ZIC4: variants seen among roughly 807,000 people sequenced by gnomAD.
The protein encoded by ZIC4 is Zic family zinc finger 4, also known as zinc finger protein ZIC 4.
A neutral mutation model predicts 28.8 loss-of-function variants in ZIC4; 15 were observed. That is an observed-to-expected ratio of 0.52 (90% confidence interval 0.35 to 0.80). The LOEUF (loss-of-function observed/expected upper bound fraction) is 0.80, where lower values mean the gene tolerates loss of function less well. Ranked by LOEUF, ZIC4 falls within the 30% of genes least tolerant of loss-of-function variation. The probability of loss-of-function intolerance (pLI) is 0.01; values close to 1 mark genes in which losing one functional copy is unlikely to be tolerated. For missense variants in ZIC4, 512 were observed against 467.1 expected (o/e 1.10, Z -0.89); for synonymous variants, 220 against 198.1 (o/e 1.11, Z -0.93).
rs761195748 is a variant in ZIC4 at position 147,388,868 on chromosome 3, A to C, written c.*-9T>G. The stretch of plus-strand genomic sequence containing the variant: ...AGCAACGCGGTGGACATCTGTAACA[A>C]GCAAATGAAAAATTAAAGGCGATTA... On this transcript the variant is annotated splice_polypyrimidine_tract_variant and intron_variant, in intron 4 of 4. Transcript: ENST00000383075. The C allele has an allele frequency of 5.1e-6, 4 of 780,226 alleles. No homozygotes were observed. The East Asian group carries it at 7.3e-5, about 14-fold the overall frequency. 48.3% of individuals were successfully genotyped at this position (780,226 alleles called of 1,614,324 possible). A position where few individuals can be genotyped will look rare whatever the true frequency, so the allele number is the denominator to read the frequency against.
intron 3 of ZIC4, among the ~76,000 whole-genome samples, chr3:147,395,402 G>T (rs1022910351): frequency 6.6e-6 from 1 of 152,132 alleles, no homozygotes; most frequent in African/African-American, 2.4e-5. Flanking sequence ...CCTAAAGAAG[G>T]CTCCAGGGCC....
intron 2 of ZIC4, among the ~76,000 whole-genome samples, chr3:147,399,663 ATT>A (rs34229132): frequency 2.3e-4 from 30 of 127,980 alleles, no homozygotes; most frequent in South Asian, 5.2e-4. Flanking sequence ...AAAAACACGG[ATT>A]TTTTTTTTTT....
At chr3:147,394,578 G>C (rs1319545282) in intron 3 of ZIC4, among the ~76,000 whole-genome samples, 1 of 151,996 alleles carries the variant, frequency 6.6e-6, no homozygotes, top group Non-Finnish European at 1.5e-5. Flanking sequence ...TAGCAGGCCT[G>C]GGGCCAGGAT....
intron 3 of ZIC4, chr3:147,391,483 G>A (rs2086917781): frequency 2.3e-6 from 1 of 443,180 alleles, no homozygotes; most frequent in East Asian, 3.6e-5. Context: ...CATGGGGAGG[G>A]TATGGAGGAG....
intron 2 of ZIC4, among the ~76,000 whole-genome samples, chr3:147,397,637 G>T (rs1234004730): frequency 6.6e-6 from 1 of 152,112 alleles, no homozygotes; most frequent in Non-Finnish European, 1.5e-5. Flanking sequence ...CTGATGGGCA[G>T]CATCGTGTGC....
At chr3:147,405,566 C>A in intron 1 of ZIC4, 7 of 1,314,886 alleles carry the variant, frequency 5.3e-6, no homozygotes, top group Non-Finnish European at 7.4e-6. Flanking sequence ...ATTTCCAATG[C>A]CCCTGGGTCT....
intron 4 of ZIC4, among the ~76,000 whole-genome samples, 169 bp downstream of exon 4, chr3:147,390,762 T>C (rs961270352): frequency 1.3e-5 from 2 of 152,234 alleles, no homozygotes; most frequent in African/African-American, 4.8e-5. Flanking sequence ...GCCCTCTTCA[T>C]GCCTCAGAAA....
Position 147,396,188 on chromosome 3 carries a change from G to T in ZIC4, c.352C>A (p.Arg118Ser), listed in dbSNP as rs2087038268. Residue 118 changes from arginine to serine, a missense_variant, in exon 3 of 5, where the codon CGC becomes AGC. By Grantham distance (110) the Arg-to-Ser change is moderately radical (BLOSUM62 -1). Around this residue, in one of 3 missense-constraint regions of ZIC4, gnomAD observed 310 missense variants for 256.5 expected, o/e 1.21. Coordinates refer to ENST00000383075, the MANE Select transcript of ZIC4 (RefSeq NM_032153.6). The surrounding 1 kb of genome is among the most constrained non-coding windows in gnomAD (Gnocchi z 4.2). ...AAPHGPGAFF[R>S]YMRQPIKQEL... ...TGTTTGATGGGCTGGCGCATGTAGC[G>T]GAAGAAAGCGCCAGGACCGTGGGGC... is the stretch of plus-strand genomic sequence containing the variant. 6.2e-7 allele frequency: 1 copy of T among 1,614,108 alleles called. No individual in the cohort carries two copies. Among genetic ancestry groups the T allele is most frequent in the Non-Finnish European group, 8.5e-7 (1 of 1,180,016 alleles).
chr3:147,389,068 T>C (rs1398824325), intron 4 of ZIC4: 1 of 597,608 alleles, frequency 1.7e-6, no homozygotes, highest in Non-Finnish European at 3.0e-6. Context: ...AGTGGTGGGG[T>C]TGGTGTTTCA....
Position 147,405,495 on chromosome 3 carries a change from C to T in ZIC4, c.-16+868G>A, listed in dbSNP as rs983314935. 4.6e-6 allele frequency: 7 copies of T among 1,536,088 alleles called. No individual in the cohort carries two copies. The African/African-American group carries it at 6.8e-5, about 15-fold the overall frequency. ...ATCAACCCCAACTTTCAGATCCAACCTTTGAGCCAGTCCTAGCTTTCTTTC... is the reference window on the plus strand; with the variant it reads ...ATCAACCCCAACTTTCAGATCCAACTTTTGAGCCAGTCCTAGCTTTCTTTC... On this transcript the variant is annotated intron_variant, in intron 1 of 4. Transcript: ENST00000383075.
rs2086796747 is a variant in ZIC4 at position 147,386,293 on chromosome 3, T to A, written c.*2566A>T. The A allele has an allele frequency of 6.6e-6, 1 of 152,384 alleles. No individual in the cohort carries two copies. Among genetic ancestry groups the A allele is most frequent in the Non-Finnish European group, 1.5e-5 (1 of 68,032 alleles). The allele number at this position is 152,384 out of a possible 1,614,324, so 9.4% of individuals were successfully genotyped here. A position where few individuals can be genotyped will look rare whatever the true frequency, so the allele number is the denominator to read the frequency against. ...TGACACTAAAGAGACAGATGATAAA[T>A]CACAAACAGTGTGGGTAGAGAGGGT... On this transcript the variant is annotated 3_prime_UTR_variant, in exon 5 of 5. Transcript: ENST00000383075.
intron 1 of ZIC4, chr3:147,403,956 A>G (rs774619905): frequency 6.5e-7 from 1 of 1,536,446 alleles, no homozygotes; most frequent in South Asian, 1.2e-5. Flanking sequence ...GCAGGGGGGT[A>G]GACTCACCTT....
In ZIC4 at chr3:147,403,936, G is replaced by C. The variant is rs992852601; in HGVS notation, c.-15-1124C>G. 2.6e-6 allele frequency: 4 copies of C among 1,531,520 alleles called. No homozygotes were observed. The East Asian group carries it at 9.8e-5, about 38-fold the overall frequency. The allele number at this position is 1,531,520 out of a possible 1,614,324, so 94.9% of individuals were successfully genotyped here. A position where few individuals can be genotyped will look rare whatever the true frequency, so the allele number is the denominator to read the frequency against. On this transcript the variant is annotated intron_variant, in intron 1 of 4. Transcript: ENST00000383075. ...CCATCTCCCCTCTTTTCTAGGTCCA[G>C]GCCTAGGAGGCAGGGGGGTAGACTC...
At chr3:147,389,907 C>T (rs1463218710) in intron 4 of ZIC4, among the ~76,000 whole-genome samples, 7 of 149,994 alleles carry the variant, frequency 4.7e-5, no homozygotes, top group African/African-American at 1.7e-4. Flanking sequence ...GACTCAGTGA[C>T]GTCATCAGCT....
chr3:147,390,152 T>C (rs1379673914), intron 4 of ZIC4, among the ~76,000 whole-genome samples: 1 of 152,124 alleles, frequency 6.6e-6, no homozygotes, highest in Non-Finnish European at 1.5e-5. Flanking sequence ...GGCCACTCCA[T>C]AGGGGTGGAA....
chr3:147,401,300 G>GA (rs936926542), intron 2 of ZIC4, among the ~76,000 whole-genome samples: 16 of 150,172 alleles, frequency 1.1e-4, no homozygotes, highest in African/African-American at 3.4e-4. Context: ...GCCTTGGAAA[G>GA]AAAAAAAAAT....
rs890253921 is a variant in ZIC4 at position 147,388,773 on chromosome 3, G to C, written c.*86C>G. ...CCGTGGCGAAGAAACACTGCTTTGT[G>C]CGCGGGCCCTTTGATGTAGCAGGCG... On this transcript the variant is annotated 3_prime_UTR_variant, in exon 5 of 5. Coordinates refer to ENST00000383075, the MANE Select transcript of ZIC4 (RefSeq NM_032153.6). The C allele has an allele frequency of 5.2e-5, 39 of 754,688 alleles. No individual in the cohort carries two copies. 46.7% of individuals were successfully genotyped at this position (754,688 alleles called of 1,614,324 possible). A position where few individuals can be genotyped will look rare whatever the true frequency, so the allele number is the denominator to read the frequency against.
intron 1 of ZIC4, chr3:147,405,269 C>A: frequency 8.9e-7 from 1 of 1,128,766 alleles, no homozygotes; most frequent in Admixed American, 2.7e-5. Context: ...TTGAATCACC[C>A]CTCCCCCAAC....
At chr3:147,403,688 T>C (rs2087215655) in intron 1 of ZIC4, 1 of 260,948 alleles carries the variant, frequency 3.8e-6, no homozygotes, top group African/African-American at 2.2e-5. Context: ...AAAACAGTCA[T>C]TGAAAAGGTC....
Sources: allele counts gnomAD v4.1 joint callset (sites outside exome capture counted in the v4.1 genomes callset), GRCh38; gene constraint gnomAD v4.1.1; regional missense constraint gnomAD v4.1.1; non-coding constraint Gnocchi (gnomAD v3.1); transcripts MANE v1.5; gene names NCBI Gene and HGNC (gene_info 2026-07-23, HGNC 2026-07-21).